Variants in RANBP2 observed in about 807,000 individuals in gnomAD.
RANBP2 encodes RAN binding protein 2, also known as E3 SUMO-protein ligase RanBP2.
In RANBP2, 57 loss-of-function variants were observed where a neutral mutation model predicts 303.6. The observed-to-expected ratio is 0.19, with a 90% CI of 0.15 to 0.23. The LOEUF is 0.23. Among genes scored for constraint, RANBP2 ranks in the 10% least tolerant of loss-of-function variants. The probability of loss-of-function intolerance (pLI) is 1.00; values close to 1 mark genes in which losing one functional copy is unlikely to be tolerated. For missense variants in RANBP2, 3,138 were observed against 3,780.8 expected (o/e 0.83, Z 4.46); for synonymous variants, 1,167 against 1,301.5 (o/e 0.90, Z 2.23).
At chr2:109,367,143 T>TTTTA in the RANBP2 span, among the ~76,000 whole-genome samples, 2 of 139,542 alleles carry the variant, frequency 1.4e-5, no homozygotes, top group Non-Finnish European at 3.1e-5. Context: ...TTTTTTTTTT[T>TTTTA]AGTAGAGACA....
At chr2:108,903,809 G>A in the RANBP2 span, among the ~76,000 whole-genome samples, 1 of 152,046 alleles carries the variant, frequency 6.6e-6, no homozygotes, top group South Asian at 2.1e-4. Context: ...AAAACTATGT[G>A]GACTTAGAAT....
the RANBP2 span, among the ~76,000 whole-genome samples, chr2:108,861,291 G>A: frequency 2.5e-4 from 38 of 150,896 alleles, no homozygotes; most frequent in African/African-American, 5.6e-4. Context: ...TTTTCATTTC[G>A]TCGATCCTTA....
At chr2:109,199,613 G>GC in the RANBP2 span, among the ~76,000 whole-genome samples, 3 of 286 alleles carry the variant, frequency 0.01, no homozygotes, top group South Asian at 0.25. Flanking sequence ...GGAATGGAAT[G>GC]GAATGGAATG....
the RANBP2 span, among the ~76,000 whole-genome samples, chr2:109,712,291 C>G: frequency 6.6e-6 from 1 of 152,170 alleles, no homozygotes; most frequent in East Asian, 1.9e-4. Flanking sequence ...ACTCTGGTCA[C>G]TCATTCTCAG....
the RANBP2 span, among the ~76,000 whole-genome samples, chr2:109,507,196 A>T: frequency 6.6e-6 from 1 of 152,082 alleles, no homozygotes; most frequent in Non-Finnish European, 1.5e-5. Flanking sequence ...CACTGCCACG[A>T]CGTCTGTGCT....
the RANBP2 span, among the ~76,000 whole-genome samples, chr2:108,945,202 G>C: frequency 2.4e-4 from 36 of 152,224 alleles, no homozygotes; most frequent in African/African-American, 7.9e-4. Context: ...GGGTGGGGGC[G>C]AGCTCCCCGT....
At chr2:109,182,458 A>G in the RANBP2 span, among the ~76,000 whole-genome samples, 1 of 152,194 alleles carries the variant, frequency 6.6e-6, no homozygotes, top group African/African-American at 2.4e-5. Context: ...ACTTTGGGGG[A>G]CACACTCAAA....
chr2:109,731,763 C>T, the RANBP2 span, among the ~76,000 whole-genome samples: 3 of 152,074 alleles, frequency 2.0e-5, no homozygotes, highest in South Asian at 2.1e-4. Flanking sequence ...GCTGGGATTA[C>T]AGGCAGGAGC....
the RANBP2 span, among the ~76,000 whole-genome samples, chr2:109,067,644 T>C: frequency 6.6e-6 from 1 of 152,184 alleles, no homozygotes; most frequent in East Asian, 1.9e-4. Flanking sequence ...CTAAGAAGAA[T>C]ATTTAGTAGA....
chr2:109,615,384 T>C, the RANBP2 span: 1 of 1,612,926 alleles, frequency 6.2e-7, no homozygotes, highest in Admixed American at 1.7e-5. Context: ...CAAGCGGGAC[T>C]TCATTACCGG....
the RANBP2 span, chr2:108,930,143 C>T: frequency 6.2e-7 from 1 of 1,613,980 alleles, no homozygotes; most frequent in Non-Finnish European, 8.5e-7. Flanking sequence ...TCTCCCGGCC[C>T]ACACGGGGGG....
the RANBP2 span, among the ~76,000 whole-genome samples, chr2:109,361,843 G>A: frequency 6.6e-6 from 1 of 152,018 alleles, no homozygotes; most frequent in South Asian, 2.1e-4. Context: ...ATTTCATCTG[G>A]GTTATCAAAT....
chr2:109,656,588 C>T, the RANBP2 span, among the ~76,000 whole-genome samples: 4 of 152,214 alleles, frequency 2.6e-5, no homozygotes, highest in African/African-American at 9.6e-5. Context: ...GATCCACCCT[C>T]CTCGGCCTCC....
At chr2:109,069,249 A>T in the RANBP2 span, among the ~76,000 whole-genome samples, 1 of 152,262 alleles carries the variant, frequency 6.6e-6, no homozygotes, top group Non-Finnish European at 1.5e-5. Flanking sequence ...TCAAGAGAGT[A>T]GACTTCTAGC....
the RANBP2 span, among the ~76,000 whole-genome samples, chr2:109,343,604 C>G: frequency 1.3e-5 from 2 of 152,174 alleles, no homozygotes; most frequent in Non-Finnish European, 2.9e-5. Flanking sequence ...CTTGCTTGCT[C>G]CGAGAATCAT....
chr2:108,877,677 T>C, the RANBP2 span, among the ~76,000 whole-genome samples: 2 of 152,086 alleles, frequency 1.3e-5, no homozygotes, highest in Non-Finnish European at 2.9e-5. Context: ...TTGGTGTCTC[T>C]GAAGAAAAGA....
the RANBP2 span, among the ~76,000 whole-genome samples, chr2:109,165,337 T>C: frequency 3.3e-5 from 5 of 152,180 alleles, no homozygotes; most frequent in Non-Finnish European, 7.3e-5. Context: ...TCCCTCATCC[T>C]TCCTGCTGCA....
chr2:108,855,060 G>C, the RANBP2 span, among the ~76,000 whole-genome samples: 4 of 152,030 alleles, frequency 2.6e-5, no homozygotes, highest in Admixed American at 6.6e-5. Flanking sequence ...GAATAATATA[G>C]CATTTATAAA....
At chr2:108,929,063 G>T in the RANBP2 span, 1 of 1,030,022 alleles carries the variant, frequency 9.7e-7, no homozygotes, top group Non-Finnish European at 1.5e-6. Context: ...CTTGTGGGAT[G>T]GGACCAAGGC....
Sources: allele counts gnomAD v4.1 joint callset (sites outside exome capture counted in the v4.1 genomes callset), GRCh38; gene constraint gnomAD v4.1.1; transcripts MANE v1.5; gene names NCBI Gene and HGNC (gene_info 2026-07-23, HGNC 2026-07-21).